Variants in MGAT5 observed in about 807,000 individuals in gnomAD.
MGAT5 encodes the protein alpha-1,6-mannosylglycoprotein 6-beta-N-acetylglucosaminyltransferase, also known as alpha-1,6-mannosylglycoprotein 6-beta-N-acetylglucosaminyltransferase A.
In MGAT5, 30 loss-of-function variants were observed where a neutral mutation model predicts 94.3. The observed-to-expected ratio is 0.32, with a 90% CI of 0.24 to 0.43. The LOEUF is 0.43. Among genes scored for constraint, MGAT5 ranks in the 20% least tolerant of loss-of-function variants. The pLI is 1.00. For missense variants in MGAT5, 691 were observed against 905.5 expected (o/e 0.76, Z 3.04); for synonymous variants, 310 against 322.9 (o/e 0.96, Z 0.43).
intron 13 of MGAT5, 67 bp downstream of exon 13, chr2:134,422,986 T>TTC: frequency 3.5e-6 from 4 of 1,154,178 alleles, no homozygotes; most frequent in Non-Finnish European, 5.2e-6. Flanking sequence ...AAACACATCA[T>TTC]AGGTCCTTGT....
At chr2:134,148,890 C>T (rs1033760824) in intron 1 of MGAT5, among the ~76,000 whole-genome samples, 2 of 151,368 alleles carry the variant, frequency 1.3e-5, no homozygotes, top group Admixed American at 6.6e-5. Context: ...TCCCGAGTAG[C>T]TGGAATTACA....
chr2:134,204,818 G>C (rs759545406), intron 1 of MGAT5, among the ~76,000 whole-genome samples: 3 of 152,196 alleles, frequency 2.0e-5, no homozygotes, highest in Non-Finnish European at 4.4e-5. Context: ...ATAGTTTGCT[G>C]GAGGGGAGTC....
intron 12 of MGAT5, among the ~76,000 whole-genome samples, chr2:134,422,304 T>G (rs142875905): frequency 6.6e-6 from 1 of 152,352 alleles, no homozygotes; most frequent in Non-Finnish European, 1.5e-5. Flanking sequence ...TGCTAATTAT[T>G]ATTCCTGAAA....
intron 10 of MGAT5, among the ~76,000 whole-genome samples, chr2:134,390,952 T>TAAAG (rs1201280485): frequency 3.2e-4 from 48 of 152,340 alleles, no homozygotes; most frequent in South Asian, 1.9e-3. Flanking sequence ...TCTCTTTGTC[T>TAAAG]TGTTTCAGAC....
At position 134,328,684 on chromosome 2, in the gene MGAT5, G is replaced by C. The variant is rs554428424; in HGVS notation, c.574-7533G>C. ...GCTTTCAGGACTGGAGATAGAGTGA[G>C]AACCAGACAGATGAGGTTTCTGTCC... On this transcript the variant is annotated intron_variant, in intron 4 of 15. Coordinates refer to ENST00000281923, the MANE Select transcript of MGAT5 (RefSeq NM_002410.5). Among the ~76,000 whole-genome samples the C allele has an allele frequency of 3.3e-5, 5 of 152,174 alleles. No individual in the cohort carries two copies. The South Asian group carries it at 1.0e-3, about 32-fold the overall frequency.
intron 1 of MGAT5, among the ~76,000 whole-genome samples, chr2:134,178,548 A>G (rs1688587700): frequency 6.6e-6 from 1 of 152,226 alleles, no homozygotes; most frequent in African/African-American, 2.4e-5. Context: ...ACTAGAAACC[A>G]GGTGGCAAGG....
chr2:134,386,029 A>G (rs1287945431), intron 10 of MGAT5, among the ~76,000 whole-genome samples: 1 of 152,214 alleles, frequency 6.6e-6, no homozygotes, highest in African/African-American at 2.4e-5. Flanking sequence ...ATCCGGCGGA[A>G]CCACAACACA....
chr2:134,341,870 A>G lies in MGAT5; in HGVS notation c.977+111A>G. 3.6e-6 allele frequency: 3 copies of G among 842,610 alleles called. No individual in the cohort carries two copies. In the East Asian group the frequency reaches 8.3e-5, roughly 23 times the overall value. The allele number at this position is 842,610 out of a possible 1,614,324, so 52.2% of individuals were successfully genotyped here. On this transcript the variant is annotated intron_variant, in intron 7 of 15. Transcript: ENST00000281923. ...TTTTTTGTCGAGGAAAATGAAAGTG[A>G]TAATTCACTAAACAGGAGATAAGAA...
At chr2:134,155,984 T>TA (rs921628856) in intron 1 of MGAT5, among the ~76,000 whole-genome samples, 24 of 152,312 alleles carry the variant, frequency 1.6e-4, no homozygotes, top group African/African-American at 5.5e-4. Flanking sequence ...TCATAGTAGT[T>TA]GCCACAGTTT....
intron 1 of MGAT5, among the ~76,000 whole-genome samples, chr2:134,147,092 C>T (rs1478603867): frequency 4.0e-5 from 6 of 151,440 alleles, no homozygotes; most frequent in African/African-American, 2.4e-5. Context: ...TGCTCTCTCT[C>T]GCTCTCTTTC....
intron 1 of MGAT5, among the ~76,000 whole-genome samples, chr2:134,196,480 G>A (rs1261434514): frequency 6.6e-6 from 1 of 151,964 alleles, no homozygotes; most frequent in East Asian, 1.9e-4. Flanking sequence ...TCTATTTAAT[G>A]TAGGATTCAT....
At chr2:134,238,717 G>T (rs13018491) in intron 1 of MGAT5, among the ~76,000 whole-genome samples, 1 of 152,224 alleles carries the variant, frequency 6.6e-6, no homozygotes. Context: ...GCTGAGATGG[G>T]CAGATCAGCT....
At chr2:134,260,270 A>G (rs1045889846) in intron 1 of MGAT5, among the ~76,000 whole-genome samples, 1 of 152,178 alleles carries the variant, frequency 6.6e-6, no homozygotes, top group African/African-American at 2.4e-5. Context: ...TGCTTTCTCT[A>G]TGGGAGGAAG....
intron 9 of MGAT5, among the ~76,000 whole-genome samples, chr2:134,357,400 A>C (rs1679815663): frequency 6.6e-6 from 1 of 152,232 alleles, no homozygotes; most frequent in African/African-American, 2.4e-5. Flanking sequence ...TTGCATGATC[A>C]AATTGAATGA....
At chr2:134,226,322 C>G (rs1186428240) in intron 1 of MGAT5, among the ~76,000 whole-genome samples, 2 of 152,134 alleles carry the variant, frequency 1.3e-5, no homozygotes, top group East Asian at 3.9e-4. Flanking sequence ...AAGAGAGATG[C>G]AATAACCATA....
Position 134,349,933 on chromosome 2 carries a change from T to C in MGAT5, c.1241T>C (p.Met414Thr). ...WNLNPQQFYTMFPHTPDNSFL... is the reference protein window; with the variant it reads ...WNLNPQQFYTTFPHTPDNSFL... Reference sequence around the variant, plus strand: ...CTGAACCCTCAGCAGTTTTATACCATGTTCCGTGAGTATTCCTGTTTCATG... The same window carrying C: ...CTGAACCCTCAGCAGTTTTATACCACGTTCCGTGAGTATTCCTGTTTCATG... The change falls in exon 9 of 16, where the codon ATG becomes ACG. Residue 414 changes from methionine (M) to threonine (T), a missense_variant. Physicochemically the swap from Met to Thr is moderately conservative, Grantham distance 81 (BLOSUM62 -1). Coordinates refer to ENST00000281923, the MANE Select transcript of MGAT5 (RefSeq NM_002410.5). 6.2e-7 allele frequency: 1 copy of C among 1,613,346 alleles called. No individual in the cohort carries two copies. Among genetic ancestry groups the C allele is most frequent in the South Asian group, 1.1e-5 (1 of 91,050 alleles).
At chr2:134,138,170 A>T (rs1686503886) in intron 1 of MGAT5, among the ~76,000 whole-genome samples, 1 of 151,460 alleles carries the variant, frequency 6.6e-6, no homozygotes, top group South Asian at 2.1e-4. Context: ...TTAAAGTGAG[A>T]TACCTAACAT....
chr2:134,401,265 A>G (rs1385540832), intron 10 of MGAT5, among the ~76,000 whole-genome samples: 3 of 152,198 alleles, frequency 2.0e-5, no homozygotes, highest in African/African-American at 4.8e-5. Context: ...AGAACTTGTT[A>G]TCTGGCTCGT....
chr2:134,133,264 G>C (rs1686258830), intron 1 of MGAT5, among the ~76,000 whole-genome samples: 1 of 152,166 alleles, frequency 6.6e-6, no homozygotes, highest in Non-Finnish European at 1.5e-5. Flanking sequence ...AAAGACTTTG[G>C]AATTTTTTTA....
Sources: allele counts gnomAD v4.1 joint callset (sites outside exome capture counted in the v4.1 genomes callset), GRCh38; gene constraint gnomAD v4.1.1; transcripts MANE v1.5; gene names NCBI Gene and HGNC (gene_info 2026-07-23, HGNC 2026-07-21).